Variants in DPP10 observed in about 807,000 individuals in gnomAD.
DPP10 encodes dipeptidyl peptidase like 10, also known as inactive dipeptidyl peptidase 10.
Under a neutral mutation model 120.9 loss-of-function variants are expected in DPP10, and 33 were observed. The ratio of observed to expected loss-of-function variants is 0.27; its 90% CI spans 0.21 to 0.37. The LOEUF (loss-of-function observed/expected upper bound fraction) is 0.37, where lower values mean the gene tolerates loss of function less well. DPP10 is among the 10% of genes least tolerant of loss of function. DPP10 has a pLI of 1.00. For synonymous variants in DPP10, 337 were observed against 326.1 expected, an observed-to-expected ratio of 1.03 and a Z score of -0.36; for missense variants, 816 against 942.8, an observed-to-expected ratio of 0.87 and a Z score of 1.76.
At chr2:115,835,915 G>A (rs1009778924) in intron 21 of DPP10, among the ~76,000 whole-genome samples, 1 of 151,766 alleles carries the variant, frequency 6.6e-6, no homozygotes, top group East Asian at 1.9e-4. Flanking sequence ...TTTACTTAAG[G>A]CTTATTAAAA....
Position 115,226,671 on chromosome 2 carries a change from T to C in DPP10, c.61-82568T>C, listed in dbSNP as rs571309525. On this transcript the variant is annotated intron_variant, in intron 1 of 25. Coordinates refer to ENST00000410059, the MANE Select transcript of DPP10 (RefSeq NM_020868.6). ...TATTGAGCACTTCTATGTATAACAGTGTTTAGTAAAATGTTTATTTTGACT... is the reference window on the plus strand; with the variant it reads ...TATTGAGCACTTCTATGTATAACAGCGTTTAGTAAAATGTTTATTTTGACT... 7.0e-4 allele frequency among the ~76,000 whole-genome samples: 106 copies of C among 152,326 alleles called. 1 individual carries two copies. The highest frequency in any genetic ancestry group is 2.4e-3 in the African/African-American group (99 of 41,590).
At chr2:114,484,609 A>C (rs967835655) in intron 1 of DPP10, among the ~76,000 whole-genome samples, 1 of 152,076 alleles carries the variant, frequency 6.6e-6, no homozygotes, top group Non-Finnish European at 1.5e-5. Flanking sequence ...GATTGTATGT[A>C]TGTCAGGGCC....
chr2:115,819,349 ATCCTC>A (rs1368377583), intron 21 of DPP10, among the ~76,000 whole-genome samples: 1 of 152,190 alleles, frequency 6.6e-6, no homozygotes, highest in Non-Finnish European at 1.5e-5. Context: ...AATATATAAT[ATCCTC>A]TTATTATATG....
intron 3 of DPP10, among the ~76,000 whole-genome samples, chr2:115,389,391 A>C (rs1420999853): frequency 6.6e-6 from 1 of 152,070 alleles, no homozygotes. Flanking sequence ...TGGCTTTTAT[A>C]AAAGTTAATT....
chr2:115,537,148 C>A (rs976420331), intron 5 of DPP10, among the ~76,000 whole-genome samples: 20 of 152,128 alleles, frequency 1.3e-4, no homozygotes, highest in African/African-American at 4.1e-4. Flanking sequence ...GCTTTGCATT[C>A]ATTTACAACA....
chr2:115,536,708 C>A (rs747027015), intron 5 of DPP10, among the ~76,000 whole-genome samples: 6 of 151,822 alleles, frequency 4.0e-5, no homozygotes, highest in African/African-American at 7.3e-5. Flanking sequence ...ACATAAACAA[C>A]AAAATTATTT....
intron 1 of DPP10, among the ~76,000 whole-genome samples, chr2:114,712,536 A>G (rs1248952530): frequency 2.0e-5 from 3 of 152,158 alleles, no homozygotes; most frequent in South Asian, 4.1e-4. Context: ...CCTCTTTCTT[A>G]TGTGATATGG....
At chr2:115,039,849 T>G (rs1382155046) in intron 1 of DPP10, among the ~76,000 whole-genome samples, 1 of 152,080 alleles carries the variant, frequency 6.6e-6, no homozygotes, top group Non-Finnish European at 1.5e-5. Flanking sequence ...CCCAAAGTGC[T>G]GGGATTACAG....
At chr2:115,317,497 G>T (rs955265674) in intron 2 of DPP10, among the ~76,000 whole-genome samples, 1 of 152,120 alleles carries the variant, frequency 6.6e-6, no homozygotes, top group Non-Finnish European at 1.5e-5. Flanking sequence ...GAATGGAATT[G>T]CTAGATCCTA....
chr2:115,073,510 T>C (rs1707541925), intron 1 of DPP10, among the ~76,000 whole-genome samples: 1 of 152,364 alleles, frequency 6.6e-6, no homozygotes, highest in East Asian at 1.9e-4. Context: ...CAGTTCCTTC[T>C]AAACTTTAAA....
rs116338579 is a variant in DPP10 at position 115,165,038 on chromosome 2, T to C, written c.61-144201T>C. Among the ~76,000 whole-genome samples the C allele has an allele frequency of 3.1e-3, 469 of 152,354 alleles. 2 individuals carry two copies. Among genetic ancestry groups the C allele is most frequent in the Non-Finnish European group, 4.7e-3 (323 of 68,026 alleles). ...ATATCTAAAAACAAATGCCTTGACA[T>C]GACTAGACACAATCATTTCTTAACA... On this transcript the variant is annotated intron_variant, in intron 1 of 25. Transcript: ENST00000410059.
intron 1 of DPP10, among the ~76,000 whole-genome samples, chr2:114,613,270 G>C (rs1024684478): frequency 2.0e-5 from 3 of 152,126 alleles, no homozygotes; most frequent in Admixed American, 6.6e-5. Context: ...TTAGGTTATG[G>C]ATATTAAGTT....
At chr2:114,727,441 G>T (rs1165888283) in intron 1 of DPP10, among the ~76,000 whole-genome samples, 3 of 152,144 alleles carry the variant, frequency 2.0e-5, no homozygotes, top group Non-Finnish European at 4.4e-5. Flanking sequence ...GGCAGGACTG[G>T]ATGTCATGTA....
At chr2:115,253,611 C>T (rs377723810) in intron 1 of DPP10, among the ~76,000 whole-genome samples, 2 of 152,190 alleles carry the variant, frequency 1.3e-5, no homozygotes, top group East Asian at 3.8e-4. Context: ...GGCCCTAGGT[C>T]CCATGCGAGT....
intron 1 of DPP10, among the ~76,000 whole-genome samples, chr2:114,753,715 C>T (rs138076350): frequency 0.01 from 1,558 of 152,008 alleles, 13 homozygotes; most frequent in Middle Eastern, 0.034. Context: ...TGAGACCATC[C>T]TGGCTAACAC....
intron 1 of DPP10, among the ~76,000 whole-genome samples, chr2:115,278,756 G>A (rs780338658): frequency 3.3e-5 from 5 of 152,038 alleles, no homozygotes; most frequent in Admixed American, 6.6e-5. Flanking sequence ...CTATTCATAA[G>A]GAATCCGTCC....
intron 1 of DPP10, chr2:115,162,383 AG>A: frequency 7.5e-7 from 1 of 1,335,372 alleles, no homozygotes; most frequent in Non-Finnish European, 9.9e-7. Flanking sequence ...CGCACGCTGA[AG>A]AAATCTGCTG....
At chr2:115,308,085 A>G (rs2061430079) in intron 1 of DPP10, among the ~76,000 whole-genome samples, 1 of 152,120 alleles carries the variant, frequency 6.6e-6, no homozygotes. Flanking sequence ...GTATTTATTT[A>G]GAGTCTAGTT....
intron 1 of DPP10, among the ~76,000 whole-genome samples, chr2:114,753,736 C>T (rs1222716381): frequency 6.6e-6 from 1 of 151,482 alleles, no homozygotes; most frequent in African/African-American, 2.4e-5. Context: ...GGTGAAACCC[C>T]ATCTATACTT....
Sources: allele counts gnomAD v4.1 joint callset (sites outside exome capture counted in the v4.1 genomes callset), GRCh38; gene constraint gnomAD v4.1.1; transcripts MANE v1.5; gene names NCBI Gene and HGNC (gene_info 2026-07-23, HGNC 2026-07-21).